The following MAP3K5 variants were observed in gnomAD, a reference collection of about 807,000 sequenced individuals.
MAP3K5 encodes ASK-1.
MAP3K5 carries 56 observed loss-of-function variants against 158.7 expected under a neutral mutation model. That is an observed-to-expected ratio of 0.35 (90% CI 0.28 to 0.44). The LOEUF (loss-of-function observed/expected upper bound fraction) is 0.44, where lower values mean the gene tolerates loss of function less well. MAP3K5 is among the 20% of genes least tolerant of loss of function. The probability of loss-of-function intolerance (pLI) is 1.00; values close to 1 mark genes in which losing one functional copy is unlikely to be tolerated. For missense variants in MAP3K5, 1,294 were observed against 1,674.8 expected, an observed-to-expected ratio of 0.77 and a Z score of 3.97; for synonymous variants, 579 against 601.7, an observed-to-expected ratio of 0.96 and a Z score of 0.55.
chr6:136,632,395 T>C (rs1777411786), intron 14 of MAP3K5, among the ~76,000 whole-genome samples: 1 of 152,134 alleles, frequency 6.6e-6, no homozygotes, highest in Non-Finnish European at 1.5e-5. Context: ...TGCATGCCTG[T>C]AGTCCCAGCT....
chr6:136,737,033 G>GTATATATATATATATATATATATATA (rs796790486), intron 1 of MAP3K5, among the ~76,000 whole-genome samples: 26 of 111,992 alleles, frequency 2.3e-4, no homozygotes, highest in African/African-American at 6.8e-4. Context: ...ATATATATGT[G>GTATATATATATATATATATATATATA]TGTGTATATA....
intron 15 of MAP3K5, among the ~76,000 whole-genome samples, chr6:136,614,992 G>A (rs1448995405): frequency 6.6e-6 from 1 of 152,012 alleles, no homozygotes; most frequent in Non-Finnish European, 1.5e-5. Context: ...TCAAAATTAT[G>A]TACTTGATAT....
chr6:136,679,638 C>T (rs1254079401), intron 7 of MAP3K5, among the ~76,000 whole-genome samples: 1 of 152,110 alleles, frequency 6.6e-6, no homozygotes, highest in Non-Finnish European at 1.5e-5. Flanking sequence ...AATAAAAGAA[C>T]CCCAAGTTCT....
At chr6:136,749,744 G>A (rs1783116322) in intron 1 of MAP3K5, among the ~76,000 whole-genome samples, 1 of 152,120 alleles carries the variant, frequency 6.6e-6, no homozygotes, top group Non-Finnish European at 1.5e-5. Flanking sequence ...TTCATCTGAT[G>A]TCTATAAGCC....
intron 7 of MAP3K5, among the ~76,000 whole-genome samples, chr6:136,672,503 C>T (rs145355480): frequency 6.1e-4 from 93 of 152,218 alleles, no homozygotes; most frequent in Non-Finnish European, 9.7e-4. Context: ...TGGTTTGGCA[C>T]GACAGAATGA....
chr6:136,690,121 C>T (rs1780325202), intron 7 of MAP3K5, among the ~76,000 whole-genome samples: 1 of 152,094 alleles, frequency 6.6e-6, no homozygotes, highest in Non-Finnish European at 1.5e-5. Context: ...CTTGAAATTG[C>T]ATGTGAATCA....
intron 8 of MAP3K5, among the ~76,000 whole-genome samples, chr6:136,660,144 T>A (rs1778941768): frequency 6.6e-6 from 1 of 152,230 alleles, no homozygotes; most frequent in South Asian, 2.1e-4. Flanking sequence ...CTTACCTTTT[T>A]TACGCTGAAA....
chr6:136,625,131 G>A (rs547121945), intron 14 of MAP3K5, among the ~76,000 whole-genome samples: 1 of 152,268 alleles, frequency 6.6e-6, no homozygotes, highest in East Asian at 1.9e-4. Flanking sequence ...TCTAGGGCGG[G>A]AATTTGTCTG....
At chr6:136,631,954 G>C (rs1031725000) in intron 14 of MAP3K5, among the ~76,000 whole-genome samples, 1 of 152,152 alleles carries the variant, frequency 6.6e-6, no homozygotes, top group South Asian at 2.1e-4. Context: ...TAAGAGAACA[G>C]AGAAAAGCAA....
intron 2 of MAP3K5, among the ~76,000 whole-genome samples, chr6:136,705,628 GGA>G (rs1232601435): frequency 6.6e-6 from 1 of 152,100 alleles, no homozygotes. Flanking sequence ...AATCTGCGGA[GGA>G]GACAGGAGAA....
Position 136,694,235 on chromosome 6 carries a change from A to G in MAP3K5, c.1158T>C (p.Ala386=). The G allele has an allele frequency of 6.2e-7, 1 of 1,613,840 alleles. No homozygotes were observed. The highest frequency in any genetic ancestry group is 8.5e-7 in the Non-Finnish European group (1 of 1,179,940). ...GACCAACTAGGCAATACATATCTGA[A>G]GCAACTTGTCCTTCGCTTTGCACCA... is the stretch of plus-strand genomic sequence containing the variant. ...IPMVQSEGQV[A]SDMYCLVGRI... Residue 386 remains alanine (A), a synonymous_variant, in exon 7 of 30, where the codon GCT becomes GCC. Coordinates refer to ENST00000359015, the MANE Select transcript of MAP3K5 (RefSeq NM_005923.4).
intron 11 of MAP3K5, among the ~76,000 whole-genome samples, chr6:136,645,060 C>T (rs1212472392): frequency 6.6e-6 from 1 of 152,138 alleles, no homozygotes; most frequent in East Asian, 1.9e-4. Flanking sequence ...TCCCAAGCAG[C>T]TGGGACTACA....
intron 1 of MAP3K5, among the ~76,000 whole-genome samples, chr6:136,723,120 AT>A (rs11300937): frequency 0.51 from 77,529 of 151,724 alleles, 20,312 homozygotes; most frequent in African/African-American, 0.63. Flanking sequence ...TTGAAAAAAT[AT>A]TTTTTTACAA....
intron 1 of MAP3K5, among the ~76,000 whole-genome samples, chr6:136,780,929 C>T (rs1050035391): frequency 1.3e-5 from 2 of 152,192 alleles, no homozygotes; most frequent in Non-Finnish European, 2.9e-5. Flanking sequence ...ACACGTTATA[C>T]ATCTTTATAC....
At chr6:136,731,799 G>C (rs938510275) in intron 1 of MAP3K5, among the ~76,000 whole-genome samples, 1 of 152,136 alleles carries the variant, frequency 6.6e-6, no homozygotes, top group African/African-American at 2.4e-5. Flanking sequence ...TCCAAAGACT[G>C]GCAAAGAACA....
intron 6 of MAP3K5, among the ~76,000 whole-genome samples, chr6:136,694,884 TAA>T (rs1010292316): frequency 2.9e-4 from 44 of 152,282 alleles, no homozygotes; most frequent in African/African-American, 8.9e-4. Flanking sequence ...AAAAATTCTA[TAA>T]GAGTTATCAT....
At chr6:136,567,579 C>T (rs1395830490) in intron 26 of MAP3K5, 52 bp downstream of exon 26, 1 of 1,546,120 alleles carries the variant, frequency 6.5e-7, no homozygotes. Context: ...AACACATGCT[C>T]TTTAGTAAAA....
rs538334804 is a variant in MAP3K5 at position 136,645,526 on chromosome 6, T to C, written c.1789-2957A>G. Among the ~76,000 whole-genome samples the C allele has an allele frequency of 1.7e-4, 26 of 152,252 alleles. No homozygotes were observed. The South Asian group carries it at 5.4e-3, about 32-fold the overall frequency. On this transcript the variant is annotated intron_variant, in intron 11 of 29. Coordinates refer to ENST00000359015, the MANE Select transcript of MAP3K5 (RefSeq NM_005923.4). Reference sequence around the variant, plus strand: ...CTTCAACCCCCAAAAGGGGGGGAAATTCTAAATAACCATTTAAAACGCCCT... The same window carrying C: ...CTTCAACCCCCAAAAGGGGGGGAAACTCTAAATAACCATTTAAAACGCCCT...
At chr6:136,585,119 G>GTT (rs1476625024) in intron 23 of MAP3K5, among the ~76,000 whole-genome samples, 1 of 120,030 alleles carries the variant, frequency 8.3e-6, no homozygotes, top group Admixed American at 8.5e-5. Context: ...TTTTTTTTTT[G>GTT]TTTTTTTTTA....
Sources: gnomAD v4.1 joint callset for allele counts (sites outside exome capture counted in the v4.1 genomes callset) on GRCh38, gnomAD v4.1.1 for gene constraint, MANE v1.5 for transcripts, NCBI Gene and HGNC (gene_info 2026-07-23, HGNC 2026-07-21) for gene names.